Variants in TRIM65 observed in about 807,000 individuals in gnomAD.
TRIM65 encodes tripartite motif containing 65.
A neutral mutation model predicts 36.1 loss-of-function variants in TRIM65; 46 were observed. The observed-to-expected ratio is 1.27, with a 90% CI of 1.01 to 1.63. The LOEUF (loss-of-function observed/expected upper bound fraction) is 1.63. Ranked by LOEUF, TRIM65 falls within the 40% of genes most tolerant of loss-of-function variation. The pLI is 0.00. For synonymous variants in TRIM65, 346 were observed against 313.6 expected (o/e 1.10, Z -1.09); for missense variants, 708 against 696.6 (o/e 1.02, Z -0.18).
chr17:75,883,765 G>A (rs1406210787), intron 4 of TRIM65, among the ~76,000 whole-genome samples: 2 of 151,972 alleles, frequency 1.3e-5, no homozygotes, highest in Non-Finnish European at 2.9e-5. Flanking sequence ...CTGACCTTGT[G>A]ATCCACCCGC....
chr17:75,884,624 G>A (rs1022076562), downstream of TRIM65, among the ~76,000 whole-genome samples: 2 of 151,816 alleles, frequency 1.3e-5, no homozygotes, highest in African/African-American at 2.4e-5. Context: ...CTCCTTTTTT[G>A]TTTTTCTTTT....
chr17:75,890,910 A>C lies in TRIM65; in HGVS notation c.1423T>G (p.Tyr475Asp), dbSNP rs1172381148. Residue 475 changes from tyrosine to aspartate, a missense_variant, in exon 6 of 6, where the codon TAC becomes GAC. By Grantham distance (160) the Tyr-to-Asp change is radical (BLOSUM62 -3). Transcript: ENST00000269383. The part of the protein sequence containing the change: ...YSLEPQTQPL[Y>D]TFHALFNQPL... ...TGGTTGAAGAGGGCATGGAAGGTGT[A>C]CAGGGGCTGGGTCTGGGGCTCCAGG... The C allele has an allele frequency of 9.0e-6, 14 of 1,549,692 alleles. No individual in the cohort carries two copies. Among genetic ancestry groups the C allele is most frequent in the Non-Finnish European group, 1.2e-5 (14 of 1,147,870 alleles).
downstream of TRIM65, among the ~76,000 whole-genome samples, chr17:75,884,185 C>T (rs1169791403): frequency 6.6e-6 from 1 of 151,786 alleles, no homozygotes; most frequent in Non-Finnish European, 1.5e-5. Flanking sequence ...AGGTCAGGCG[C>T]GGTGGCTCGC....
intron 4 of TRIM65, among the ~76,000 whole-genome samples, chr17:75,882,394 C>T (rs1312222779): frequency 2.7e-5 from 4 of 150,266 alleles, no homozygotes; most frequent in East Asian, 1.9e-4. Flanking sequence ...TTTTTAGTGG[C>T]GATGGGGTTT....
At chr17:75,891,429 C>T in intron 5 of TRIM65, 82 bp from the exon 6 acceptor site, 2 of 1,457,316 alleles carry the variant, frequency 1.4e-6, no homozygotes, top group Non-Finnish European at 1.9e-6. Flanking sequence ...AAACCTCCGC[C>T]AGGCACGCTG....
downstream of TRIM65, among the ~76,000 whole-genome samples, chr17:75,888,162 T>TAA (rs566236385): frequency 9.3e-3 from 1,246 of 134,142 alleles, 18 homozygotes; most frequent in African/African-American, 0.034. Flanking sequence ...TCTCAAAAAA[T>TAA]ATATAAATAA....
At chr17:75,894,192 C>T (rs2065313058) in intron 1 of TRIM65, among the ~76,000 whole-genome samples, 1 of 152,134 alleles carries the variant, frequency 6.6e-6, no homozygotes, top group Non-Finnish European at 1.5e-5. Context: ...CCCAGCCGTG[C>T]ACTCTCCCAT....
downstream of TRIM65, among the ~76,000 whole-genome samples, chr17:75,879,867 C>T (rs1215405727): frequency 6.6e-6 from 1 of 150,688 alleles, no homozygotes; most frequent in Non-Finnish European, 1.5e-5. Context: ...GATTCTCCCT[C>T]CTCGGACTCT....
chr17:75,882,737 G>T (rs1163219802), intron 4 of TRIM65, among the ~76,000 whole-genome samples: 1 of 150,620 alleles, frequency 6.6e-6, no homozygotes, highest in Admixed American at 6.6e-5. Context: ...CACATAACTT[G>T]TCCTGCAGAG....
At chr17:75,881,785 C>T (rs1179115446) in intron 4 of TRIM65, among the ~76,000 whole-genome samples, 16 of 150,626 alleles carry the variant, frequency 1.1e-4, no homozygotes, top group Admixed American at 1.1e-3. Flanking sequence ...CACAGACTGC[C>T]AGGACTCAGG....
Position 75,896,834 on chromosome 17 carries a change from C to T in TRIM65, c.104G>A (p.Cys35Tyr). 2 of 1,525,556 alleles carry T rather than the reference C, an allele frequency of 1.3e-6. No individual in the cohort carries two copies. Among genetic ancestry groups the T allele is most frequent in the South Asian group, 1.2e-5 (1 of 82,230 alleles). The allele number at this position is 1,525,556 out of a possible 1,614,324, so 94.5% of individuals were successfully genotyped here. ...LPCGHNFCGACIRDWWDRCGK... is the reference protein window; with the variant it reads ...LPCGHNFCGAYIRDWWDRCGK... ...GCAGCGGTCCCACCAGTCCCGGATG[C>T]AGGCCCCGCAGAAGTTGTGGCCGCA... The change falls in exon 1 of 6, where the codon TGC (cysteine) becomes TAC (tyrosine). Residue 35 changes from cysteine to tyrosine, a missense_variant. Physicochemically the swap from Cys to Tyr is radical, Grantham distance 194. Coordinates refer to ENST00000269383, the MANE Select transcript of TRIM65 (RefSeq NM_173547.4).
chr17:75,884,319 C>T (rs1350856274), downstream of TRIM65, among the ~76,000 whole-genome samples: 4 of 151,750 alleles, frequency 2.6e-5, no homozygotes, highest in South Asian at 2.1e-4. Flanking sequence ...ATTAGCCGGG[C>T]GTGGTGGCAC....
In TRIM65 at chr17:75,892,422, T is replaced by A. The variant is rs1421045131; in HGVS notation, c.589A>T (p.Thr197Ser). 1.9e-6 allele frequency: 3 copies of A among 1,613,808 alleles called. No individual in the cohort carries two copies. The African/African-American group carries it at 4.0e-5, about 22-fold the overall frequency. ...GCCACCTCGATGCTCCTCAGTGCTG[T>A]CGTGTGCTGTATTTCCAGGGCCTGT... ...LLQALEIQHT[T>S]ALRSIEVAKT... The change falls in exon 3 of 6, where the codon ACA (threonine) becomes TCA (serine). Residue 197 changes from threonine to serine, a missense_variant. Thr to Ser is a moderately conservative substitution (Grantham distance 58). Coordinates refer to ENST00000269383, the MANE Select transcript of TRIM65 (RefSeq NM_173547.4).
At chr17:75,886,475 T>C (rs1316070343), downstream of TRIM65, among the ~76,000 whole-genome samples, 1 of 147,586 alleles carries the variant, frequency 6.8e-6, no homozygotes, top group African/African-American at 2.6e-5. Context: ...TGAGCCGAGA[T>C]TGTGCCACTG....
downstream of TRIM65, among the ~76,000 whole-genome samples, chr17:75,886,538 A>AAAAACC (rs1371974485): frequency 6.6e-6 from 1 of 151,692 alleles, no homozygotes; most frequent in Non-Finnish European, 1.5e-5. Context: ...AAAAAAAAAA[A>AAAAACC]AAAACCAAAA....
At chr17:75,880,343 T>TC (rs2143988230) in exon 5 of TRIM65, 1 of 149,574 alleles carries the variant, frequency 6.7e-6, no homozygotes, top group East Asian at 1.9e-4. Flanking sequence ...CCTTTTTTTT[T>TC]TTTTTTTTAG....
Position 75,892,141 on chromosome 17 carries a change from G to A in TRIM65, c.789C>T (p.Thr263=). ...LQPPGPLGPL[T]PLQWDEDQQL... ...GTTGGTCTTCATCCCACTGCAGAGG[G>A]GTCAGTGGCCCAAGAGGCCCTGGGG... The change falls in exon 4 of 6, where the codon ACC becomes ACT. Residue 263 remains threonine, a synonymous_variant. Coordinates refer to ENST00000269383, the MANE Select transcript of TRIM65 (RefSeq NM_173547.4). The A allele has an allele frequency of 1.3e-6, 2 of 1,567,606 alleles. No individual in the cohort carries two copies. Among genetic ancestry groups the A allele is most frequent in the East Asian group, 2.4e-5 (1 of 42,186 alleles).
chr17:75,890,532 C>T lies in TRIM65; in HGVS notation c.*247G>A. 7.2e-6 allele frequency: 3 copies of T among 418,614 alleles called. No individual in the cohort carries two copies. Among genetic ancestry groups the T allele is most frequent in the South Asian group, 5.5e-5 (1 of 18,124 alleles). The allele number at this position is 418,614 out of a possible 1,614,324, so 25.9% of individuals were successfully genotyped here. A position where few individuals can be genotyped will look rare whatever the true frequency, so the allele number is the denominator to read the frequency against. Reference sequence around the variant, plus strand: ...ACTGCTCTCGCCTCCCAGGCCCAGACAGTACCTAGAACTGGGTTCTCTCTG... The same window carrying T: ...ACTGCTCTCGCCTCCCAGGCCCAGATAGTACCTAGAACTGGGTTCTCTCTG... On this transcript the variant is annotated 3_prime_UTR_variant, in exon 6 of 6. Coordinates refer to ENST00000269383, the MANE Select transcript of TRIM65 (RefSeq NM_173547.4).
In TRIM65 at chr17:75,890,885, T is replaced by TGGTTGAAGAGGGCATGGAAG. The variant is rs768258810; in HGVS notation, c.1428_1447dup (p.Gln483ProfsTer22). 1 of 1,531,592 alleles carries TGGTTGAAGAGGGCATGGAAG rather than the reference T, an allele frequency of 6.5e-7. No individual in the cohort carries two copies. Among genetic ancestry groups the TGGTTGAAGAGGGCATGGAAG allele is most frequent in the East Asian group, 2.4e-5 (1 of 41,232 alleles). 94.9% of individuals were successfully genotyped at this position (1,531,592 alleles called of 1,614,324 possible). A position where few individuals can be genotyped will look rare whatever the true frequency, so the allele number is the denominator to read the frequency against. On this transcript the variant is annotated frameshift_variant, in exon 6 of 6. Transcript: ENST00000269383. LOFTEE classifies it high-confidence loss of function. ...GAGCCAGAAGACGGGGGTGAGGGGC[T>TGGTTGAAGAGGGCATGGAAG]GGTTGAAGAGGGCATGGAAGGTGTA...
Sources: gnomAD v4.1 joint callset for allele counts (sites outside exome capture counted in the v4.1 genomes callset) on GRCh38, gnomAD v4.1.1 for gene constraint, MANE v1.5 for transcripts, NCBI Gene and HGNC (gene_info 2026-07-23, HGNC 2026-07-21) for gene names.